Variants in RCOR1 observed in about 807,000 individuals in gnomAD.
RCOR1 encodes REST corepressor 1.
RCOR1 carries 12 observed loss-of-function variants against 64.0 expected under a neutral mutation model. The observed-to-expected ratio is 0.19, with a 90% CI of 0.12 to 0.30. The LOEUF (loss-of-function observed/expected upper bound fraction) is 0.30, where lower values mean the gene tolerates loss of function less well. RCOR1 is among the 10% of genes least tolerant of loss of function. RCOR1 has a pLI of 1.00. For missense variants in RCOR1, 502 were observed against 621.2 expected (o/e 0.81, Z 2.04); for synonymous variants, 279 against 227.2 (o/e 1.23, Z -2.05).
chr14:102,697,381 C>T (rs916841186), intron 3 of RCOR1, among the ~76,000 whole-genome samples: 1 of 152,166 alleles, frequency 6.6e-6, no homozygotes, highest in Non-Finnish European at 1.5e-5. Context: ...GTCTTTCTTA[C>T]CCTGTACATA....
At chr14:102,707,328 T>C in intron 4 of RCOR1, 23 bp from the exon 5 acceptor site, 1 of 1,549,124 alleles carries the variant, frequency 6.5e-7, no homozygotes, top group Non-Finnish European at 8.7e-7. Flanking sequence ...TGATCTAAAA[T>C]TTTACTGATA....
intron 2 of RCOR1, among the ~76,000 whole-genome samples, chr14:102,640,144 C>CAT (rs948903924): frequency 1.8e-4 from 27 of 152,032 alleles, no homozygotes; most frequent in African/African-American, 3.6e-4. Context: ...CACACCCAGC[C>CAT]ATATATATAT....
intron 3 of RCOR1, among the ~76,000 whole-genome samples, chr14:102,690,835 T>G (rs751857277): frequency 6.6e-6 from 1 of 152,184 alleles, no homozygotes; most frequent in Non-Finnish European, 1.5e-5. Context: ...TGGAGGAACT[T>G]GGTATGTGTG....
intron 2 of RCOR1, among the ~76,000 whole-genome samples, chr14:102,673,565 G>C (rs1895075531): frequency 6.6e-6 from 1 of 151,838 alleles, no homozygotes; most frequent in South Asian, 2.1e-4. Flanking sequence ...TCGATCTCCT[G>C]ACCTTGTGAT....
intron 2 of RCOR1, among the ~76,000 whole-genome samples, chr14:102,659,888 C>T (rs1197666564): frequency 6.6e-6 from 1 of 152,130 alleles, no homozygotes; most frequent in Admixed American, 6.6e-5. Context: ...AGTCAAGAAG[C>T]GTGAAGTAGT....
chr14:102,677,569 C>T (rs867535350), intron 2 of RCOR1, among the ~76,000 whole-genome samples: 40 of 113,344 alleles, frequency 3.5e-4, no homozygotes, highest in East Asian at 8.2e-4. Flanking sequence ...GACAGGGCGG[C>T]GGGGCAGAGG....
At chr14:102,594,338 ATACC>A (rs1893200843) in intron 2 of RCOR1, among the ~76,000 whole-genome samples, 1 of 141,938 alleles carries the variant, frequency 7.0e-6, no homozygotes, top group African/African-American at 2.5e-5. Flanking sequence ...TATGTGGGTT[ATACC>A]ACTAGTTTAT....
At chr14:102,634,595 A>G (rs1894192915) in intron 2 of RCOR1, among the ~76,000 whole-genome samples, 1 of 65,300 alleles carries the variant, frequency 1.5e-5, no homozygotes, top group Non-Finnish European at 3.7e-5. Context: ...CAACATGTTT[A>G]TATTACGTGT....
At chr14:102,697,046 G>C (rs916263726) in intron 3 of RCOR1, among the ~76,000 whole-genome samples, 2 of 152,074 alleles carry the variant, frequency 1.3e-5, no homozygotes. Context: ...AGCTATGCAT[G>C]TCCCTTGATT....
At chr14:102,711,374 G>C (rs1004495540) in intron 7 of RCOR1, among the ~76,000 whole-genome samples, 1 of 152,216 alleles carries the variant, frequency 6.6e-6, no homozygotes, top group African/African-American at 2.4e-5. Context: ...CCCAGCGTCT[G>C]CCCATCCTAG....
chr14:102,718,151 C>T (rs768215075), intron 8 of RCOR1, among the ~76,000 whole-genome samples: 18 of 152,160 alleles, frequency 1.2e-4, no homozygotes, highest in Non-Finnish European at 1.9e-4. Flanking sequence ...CTCTCAGGGA[C>T]CCAGGTACTT....
chr14:102,597,431 C>G (rs1391336053), intron 2 of RCOR1, among the ~76,000 whole-genome samples: 1 of 150,764 alleles, frequency 6.6e-6, no homozygotes, highest in Non-Finnish European at 1.5e-5. Flanking sequence ...TGGGTTCAAG[C>G]GATCCTCCTG....
At chr14:102,600,245 G>A (rs1225127935) in intron 2 of RCOR1, among the ~76,000 whole-genome samples, 5 of 150,754 alleles carry the variant, frequency 3.3e-5, no homozygotes, top group African/African-American at 7.3e-5. Context: ...CCACCACCAC[G>A]CCCGGCTAAT....
chr14:102,697,031 A>G (rs1208193816), intron 3 of RCOR1, among the ~76,000 whole-genome samples: 1 of 152,174 alleles, frequency 6.6e-6, no homozygotes, highest in Non-Finnish European at 1.5e-5. Context: ...TCTGAAAAGT[A>G]TGGCAGCTAT....
chr14:102,705,436 C>A (rs1021531648), intron 4 of RCOR1, among the ~76,000 whole-genome samples: 5 of 152,050 alleles, frequency 3.3e-5, no homozygotes, highest in Non-Finnish European at 7.4e-5. Context: ...TAAATAAAAG[C>A]TTGTGTCTTT....
intron 8 of RCOR1, among the ~76,000 whole-genome samples, chr14:102,717,959 C>T (rs554549375): frequency 2.0e-5 from 3 of 152,214 alleles, no homozygotes; most frequent in Non-Finnish European, 4.4e-5. Context: ...TCAAAATGGG[C>T]AGTCAGTCCA....
chr14:102,642,570 C>G (rs1300694847), intron 2 of RCOR1, among the ~76,000 whole-genome samples: 3 of 152,156 alleles, frequency 2.0e-5, no homozygotes, highest in Non-Finnish European at 1.5e-5. Context: ...CATGGTGGCT[C>G]ACACCTGTAA....
At chr14:102,715,735 A>G (rs1896056803) in intron 8 of RCOR1, among the ~76,000 whole-genome samples, 1 of 152,304 alleles carries the variant, frequency 6.6e-6, no homozygotes, top group East Asian at 1.9e-4. Flanking sequence ...TTTGAATTTT[A>G]TATAAATGAA....
At chr14:102,618,557 G>A (rs558731576) in intron 2 of RCOR1, among the ~76,000 whole-genome samples, 17 of 152,216 alleles carry the variant, frequency 1.1e-4, no homozygotes, top group Admixed American at 9.2e-4. Context: ...GCCATGAGCC[G>A]TCATCATGCC....
Sources: allele counts gnomAD v4.1 joint callset (sites outside exome capture counted in the v4.1 genomes callset), GRCh38; gene constraint gnomAD v4.1.1; transcripts MANE v1.5; gene names NCBI Gene and HGNC (gene_info 2026-07-23, HGNC 2026-07-21).